Variants in SCN1A observed in about 807,000 individuals in gnomAD.
SCN1A encodes the protein sodium voltage-gated channel alpha subunit 1, also known as sodium channel protein type 1 subunit alpha.
In SCN1A, 13 loss-of-function variants were observed where a neutral mutation model predicts 193.7. That is an observed-to-expected ratio of 0.07 (90% confidence interval 0.04 to 0.11). SCN1A has a LOEUF of 0.11. Ranked by LOEUF, SCN1A falls within the 10% of genes least tolerant of loss-of-function variation. SCN1A has a pLI of 1.00. For synonymous variants in SCN1A, 781 were observed against 843.6 expected, an observed-to-expected ratio of 0.93 and a Z score of 1.29; for missense variants, 1,432 against 2,451.1, an observed-to-expected ratio of 0.58 and a Z score of 8.78.
At chr2:166,073,302 T>A in intron 4 of SCN1A, 56 bp downstream of exon 4, 3 of 1,604,310 alleles carry the variant, frequency 1.9e-6, no homozygotes. Flanking sequence ...GCTACAACAG[T>A]CCAAGGAATG....
intron 27 of SCN1A, among the ~76,000 whole-genome samples, chr2:165,994,813 C>G (rs1689794457): frequency 6.6e-6 from 1 of 151,614 alleles, no homozygotes; most frequent in Non-Finnish European, 1.5e-5. Flanking sequence ...ACCATACATC[C>G]ATTTTAAAAT....
intron 4 of SCN1A, among the ~76,000 whole-genome samples, chr2:166,063,842 C>A (rs1202909056): frequency 6.6e-6 from 1 of 151,934 alleles, no homozygotes; most frequent in Non-Finnish European, 1.5e-5. Context: ...TATACTAAGT[C>A]TTAGATCTTT....
At chr2:166,073,125 A>G (rs576601130) in intron 4 of SCN1A, among the ~76,000 whole-genome samples, 170 of 152,240 alleles carry the variant, frequency 1.1e-3, no homozygotes, top group Non-Finnish European at 1.6e-3. Context: ...GGCTTGAGCC[A>G]CCGCACCTGG....
At chr2:165,995,911 A>G (rs1020103975) in intron 27 of SCN1A, 102 bp downstream of exon 27, 4 of 805,304 alleles carry the variant, frequency 5.0e-6, no homozygotes, top group Non-Finnish European at 6.4e-6. Context: ...CAAGTGAAAG[A>G]AATTTTTTCT....
At chr2:166,069,091 G>A (rs988645127) in intron 4 of SCN1A, among the ~76,000 whole-genome samples, 3 of 152,170 alleles carry the variant, frequency 2.0e-5, no homozygotes, top group Non-Finnish European at 4.4e-5. Context: ...AAAAAAAGGT[G>A]TGTTCACAAG....
At chr2:166,021,997 A>G (rs898680540) in intron 19 of SCN1A, among the ~76,000 whole-genome samples, 4 of 152,214 alleles carry the variant, frequency 2.6e-5, no homozygotes, top group Non-Finnish European at 5.9e-5. Context: ...AAGCTGAGGC[A>G]GGAGAATTGC....
upstream of SCN1A, among the ~76,000 whole-genome samples, chr2:166,131,307 G>A (rs1268161803): frequency 6.6e-6 from 1 of 151,870 alleles, no homozygotes; most frequent in Non-Finnish European, 1.5e-5. Context: ...GGGCATGGCT[G>A]TGGCTTTTTT....
At chr2:166,043,643 G>T (rs764919995) in intron 14 of SCN1A, 26 bp downstream of exon 14, 2 of 1,601,154 alleles carry the variant, frequency 1.2e-6, no homozygotes, top group Non-Finnish European at 1.7e-6. Context: ...AGCCAGCCAT[G>T]CCTGAACTAT....
chr2:166,069,271 G>T (rs980761836), intron 4 of SCN1A, among the ~76,000 whole-genome samples: 1 of 152,086 alleles, frequency 6.6e-6, no homozygotes, highest in African/African-American at 2.4e-5. Flanking sequence ...AACTCTGAAG[G>T]CTTAAAACAT....
rs541637743 is a variant in SCN1A at position 166,059,097 on chromosome 2, C to T, written c.265-409G>A. On this transcript the variant is annotated intron_variant, in intron 4 of 28. Transcript: ENST00000674923. ...AATTCAAATATCTTGAAAATTAATC[C>T]TGTGGAACGCAAAATCATTCAACAG... Among the ~76,000 whole-genome samples, 11 of 152,116 alleles carry T rather than the reference C, an allele frequency of 7.2e-5. No individual in the cohort carries two copies. The East Asian group carries it at 2.1e-3, about 29-fold the overall frequency.
intron 2 of SCN1A, among the ~76,000 whole-genome samples, chr2:166,082,047 G>C (rs1165854421): frequency 6.6e-6 from 1 of 151,930 alleles, no homozygotes; most frequent in African/African-American, 2.4e-5. Flanking sequence ...CAGGCTTTCA[G>C]GCAGACAAGA....
At chr2:166,044,882 T>C (rs181940452) in intron 13 of SCN1A, among the ~76,000 whole-genome samples, 161 bp downstream of exon 13, 1 of 152,264 alleles carries the variant, frequency 6.6e-6, no homozygotes. Context: ...ATCTGTGGAG[T>C]AAAGTTTTTG....
In SCN1A at chr2:165,994,374, C is replaced by T. The variant is rs1689716659; in HGVS notation, c.4624G>A (p.Val1542Ile). 3.1e-6 allele frequency: 5 copies of T among 1,612,942 alleles called. No homozygotes were observed. The highest frequency in any genetic ancestry group is 4.2e-6 in the Non-Finnish European group (5 of 1,179,352). ...AGAATCATGATGCTTATGTCAAAAA[C>T]TTGTCTGGTTACGAAGTCAAAGACC... ...GMVFDFVTRQ[V>I]FDISIMILIC... The change falls in exon 28 of 29, where the codon GTT becomes ATT. Residue 1542 changes from valine to isoleucine, a missense_variant. Around this residue, in one of 18 missense-constraint regions of SCN1A, gnomAD observed 85 missense variants for 119.1 expected, o/e 0.71. Coordinates refer to ENST00000674923, the MANE Select transcript of SCN1A (RefSeq NM_001165963.4).
At chr2:166,035,121 A>C (rs531251231) in intron 19 of SCN1A, among the ~76,000 whole-genome samples, 1 of 152,314 alleles carries the variant, frequency 6.6e-6, no homozygotes, top group South Asian at 2.1e-4. Context: ...TACATGAGCC[A>C]ATGTGATGCA....
At chr2:166,079,818 C>T (rs563741837) in intron 2 of SCN1A, among the ~76,000 whole-genome samples, 4 of 151,302 alleles carry the variant, frequency 2.6e-5, no homozygotes, top group East Asian at 3.9e-4. Flanking sequence ...TAGTTAGATA[C>T]AGGAATTATA....
At position 166,054,359 on chromosome 2, in the gene SCN1A, ATGTG is replaced by A. The variant is rs66512822; in HGVS notation, c.602+275_602+278del. On this transcript the variant is annotated intron_variant, in intron 7 of 28. Transcript: ENST00000674923. The stretch of plus-strand genomic sequence containing the variant: ...TTGACATTAGATTGTGTGTGTTCAT[ATGTG>A]TGTGTGTTTGTGCATGTGTGTGTGG... Among the ~76,000 whole-genome samples the A allele has an allele frequency of 0.48, 73,022 of 151,022 alleles. 18,227 individuals carry two copies. Among genetic ancestry groups the A allele is most frequent in the East Asian group, 0.56 (2,846 of 5,116 alleles).
chr2:166,131,352 C>T (rs1691650212), upstream of SCN1A, among the ~76,000 whole-genome samples: 1 of 151,402 alleles, frequency 6.6e-6, no homozygotes, highest in Admixed American at 6.6e-5. Flanking sequence ...AGAATGAAGG[C>T]GTAAGATGTC....
chr2:166,016,950 A>T (rs1297123600), intron 19 of SCN1A, among the ~76,000 whole-genome samples: 1 of 151,078 alleles, frequency 6.6e-6, no homozygotes, highest in African/African-American at 2.4e-5. Context: ...TTTCAGTAAA[A>T]GTTTCACCGA....
intron 25 of SCN1A, chr2:165,999,127 AT>A (rs1690478747): frequency 6.6e-6 from 1 of 151,588 alleles, no homozygotes; most frequent in Non-Finnish European, 1.5e-5. Context: ...CTGAAATCAA[AT>A]AAAATAGGTT....
Sources: gnomAD v4.1 joint callset for allele counts (sites outside exome capture counted in the v4.1 genomes callset) on GRCh38, gnomAD v4.1.1 for gene constraint, gnomAD v4.1.1 regional missense constraint, MANE v1.5 for transcripts, NCBI Gene and HGNC (gene_info 2026-07-23, HGNC 2026-07-21) for gene names.